RASEF: variants seen among roughly 807,000 people sequenced by gnomAD.
RASEF encodes RAS and EF-hand domain containing.
Under a neutral mutation model 90.1 loss-of-function variants are expected in RASEF, and 68 were observed. The observed-to-expected ratio is 0.75, with a 90% CI of 0.62 to 0.92. The LOEUF (loss-of-function observed/expected upper bound fraction) is 0.92, where lower values mean the gene tolerates loss of function less well. Among genes scored for constraint, RASEF ranks in the 40% least tolerant of loss-of-function variants. The pLI is 0.00. For missense variants in RASEF, 949 were observed against 937.2 expected (o/e 1.01, Z -0.16); for synonymous variants, 331 against 345.2 (o/e 0.96, Z 0.46).
the RASEF span, among the ~76,000 whole-genome samples, chr9:83,194,474 A>G: frequency 6.6e-6 from 1 of 152,180 alleles, no homozygotes; most frequent in Non-Finnish European, 1.5e-5. Context: ...CTCGTCACAG[A>G]TGATGTTAGC....
chr9:83,088,593 G>A, the RASEF span, among the ~76,000 whole-genome samples: 2 of 151,918 alleles, frequency 1.3e-5, no homozygotes, highest in Middle Eastern at 3.4e-3. Flanking sequence ...TGTATTTTGG[G>A]CCTCTGTTGT....
At chr9:83,074,817 T>G in the RASEF span, among the ~76,000 whole-genome samples, 1,094 of 152,296 alleles carry the variant, frequency 7.2e-3, 46 homozygotes, top group East Asian at 0.11. Context: ...ATAGCACAAG[T>G]TAAATTTATG....
At chr9:83,158,607 C>CAT in the RASEF span, among the ~76,000 whole-genome samples, 1 of 130,076 alleles carries the variant, frequency 7.7e-6, no homozygotes, top group African/African-American at 2.9e-5. Context: ...CAAATATATA[C>CAT]ATATATGTAT....
intron 8 of RASEF, 120 bp from the exon 9 acceptor site, chr9:83,004,706 G>A: frequency 6.4e-6 from 4 of 626,766 alleles, no homozygotes; most frequent in Admixed American, 2.6e-5. Context: ...AACTTCTAAT[G>A]TAACTAAAAG....
the RASEF span, among the ~76,000 whole-genome samples, chr9:83,210,976 A>G: frequency 6.6e-6 from 1 of 152,022 alleles, no homozygotes; most frequent in African/African-American, 2.4e-5. Context: ...TTTTCTACAA[A>G]CAAGGACATT....
intron 2 of RASEF, among the ~76,000 whole-genome samples, chr9:83,023,204 G>T (rs1004880565): frequency 4.6e-5 from 7 of 152,256 alleles, no homozygotes; most frequent in Middle Eastern, 3.4e-3. Flanking sequence ...GGGAAAAAAA[G>T]ATCTCAATCA....
the RASEF span, among the ~76,000 whole-genome samples, chr9:83,166,032 G>A: frequency 6.6e-6 from 1 of 152,114 alleles, no homozygotes; most frequent in African/African-American, 2.4e-5. Flanking sequence ...TCTTCTGAAA[G>A]AGAAAACTTC....
At chr9:83,167,018 G>C in the RASEF span, among the ~76,000 whole-genome samples, 1 of 152,158 alleles carries the variant, frequency 6.6e-6, no homozygotes, top group Non-Finnish European at 1.5e-5. Context: ...TAGGTTTGCC[G>C]TTTGCTAGCT....
chr9:83,062,829 CA>C lies in RASEF; in HGVS notation c.38del (p.Leu13ArgfsTer150), dbSNP rs1830240681. ...CGTCGCAGGCGGCGAAGACTGAGCG[CA>C]GCCGGGCCAGCTCCTCTCCGTCCCC... Reference protein sequence around the residue: ...ADGDGEELARLRSVFAACDAN... With the variant: ...ADGDGEELARXRSVFAACDAN... On this transcript the variant is annotated frameshift_variant, in exon 1 of 17. Coordinates refer to ENST00000376447, the MANE Select transcript of RASEF (RefSeq NM_152573.4). LOFTEE classifies it high-confidence loss of function. 1 of 1,548,478 alleles carries C rather than the reference CA, an allele frequency of 6.5e-7. No individual in the cohort carries two copies. Among genetic ancestry groups the C allele is most frequent in the Non-Finnish European group, 8.6e-7 (1 of 1,158,358 alleles).
chr9:83,094,568 C>T, the RASEF span, among the ~76,000 whole-genome samples: 1 of 152,100 alleles, frequency 6.6e-6, no homozygotes, highest in African/African-American at 2.4e-5. Flanking sequence ...TATTTATCAA[C>T]TCTAGGAATT....
At position 83,062,892 on chromosome 9, in the gene RASEF, G is replaced by A; in HGVS notation, c.-25C>T. 6 of 1,424,030 alleles carry A rather than the reference G, an allele frequency of 4.2e-6. No individual in the cohort carries two copies. The highest frequency in any genetic ancestry group is 5.4e-6 in the Non-Finnish European group (6 of 1,101,684). The allele number at this position is 1,424,030 out of a possible 1,614,324, so 88.2% of individuals were successfully genotyped here. A position where few individuals can be genotyped will look rare whatever the true frequency, so the allele number is the denominator to read the frequency against. ...TCCCGCCTGGCGGGGGCGGCCGAGA[G>A]GGCTCCGGAGCGCCGCGGGGCGCAG... On this transcript the variant is annotated 5_prime_UTR_variant, in exon 1 of 17. Coordinates refer to ENST00000376447, the MANE Select transcript of RASEF (RefSeq NM_152573.4).
At chr9:83,120,276 A>G in the RASEF span, among the ~76,000 whole-genome samples, 1 of 152,150 alleles carries the variant, frequency 6.6e-6, no homozygotes, top group Non-Finnish European at 1.5e-5. Context: ...CTGTTCCACA[A>G]ATGTTTGGTT....
chr9:83,087,405 T>TCTCTCTCTCTC, the RASEF span, among the ~76,000 whole-genome samples: 5 of 115,532 alleles, frequency 4.3e-5, no homozygotes, highest in African/African-American at 1.7e-4. Flanking sequence ...TTCTCATTCA[T>TCTCTCTCTCTC]TCTCTCTCTC....
At chr9:83,074,031 T>C in the RASEF span, among the ~76,000 whole-genome samples, 2 of 152,142 alleles carry the variant, frequency 1.3e-5, no homozygotes, top group African/African-American at 2.4e-5. Context: ...CCTGGGCATA[T>C]TTATGTATAT....
At chr9:83,122,069 T>G in the RASEF span, among the ~76,000 whole-genome samples, 2 of 152,138 alleles carry the variant, frequency 1.3e-5, no homozygotes, top group Admixed American at 6.5e-5. Flanking sequence ...TTTTAAAAAC[T>G]TATTATCAAT....
intron 8 of RASEF, 151 bp from the exon 9 acceptor site, chr9:83,004,737 A>C: frequency 1.7e-6 from 1 of 588,102 alleles, no homozygotes; most frequent in Non-Finnish European, 3.0e-6. Flanking sequence ...TACCTGAGCA[A>C]ATGTGAGCAA....
chr9:83,083,328 G>A, the RASEF span, among the ~76,000 whole-genome samples: 1 of 152,100 alleles, frequency 6.6e-6, no homozygotes, highest in South Asian at 2.1e-4. Context: ...TCAGGTTTAA[G>A]AATGTATGTA....
chr9:83,154,669 C>T, the RASEF span, among the ~76,000 whole-genome samples: 2 of 152,226 alleles, frequency 1.3e-5, no homozygotes, highest in African/African-American at 2.4e-5. Context: ...TTGGCCATCT[C>T]TCTTTCTACC....
At chr9:83,184,721 C>T in the RASEF span, among the ~76,000 whole-genome samples, 2 of 152,136 alleles carry the variant, frequency 1.3e-5, no homozygotes, top group African/African-American at 2.4e-5. Flanking sequence ...CTCTAAGTTA[C>T]ATGTATTTGA....
Sources: allele counts gnomAD v4.1 joint callset (sites outside exome capture counted in the v4.1 genomes callset), GRCh38; gene constraint gnomAD v4.1.1; transcripts MANE v1.5; gene names NCBI Gene and HGNC (gene_info 2026-07-23, HGNC 2026-07-21).